CSMD1: variants seen among roughly 807,000 people sequenced by gnomAD.
CSMD1 encodes CUB and Sushi multiple domains 1.
A neutral mutation model predicts 417.5 loss-of-function variants in CSMD1; 213 were observed. The observed-to-expected ratio is 0.51, with a 90% CI of 0.46 to 0.57. The LOEUF is 0.57. Among genes scored for constraint, CSMD1 ranks in the 20% least tolerant of loss-of-function variants. The pLI, the probability that CSMD1 is intolerant of heterozygous loss-of-function variation, is 0.00. For missense variants in CSMD1, 6,923 were observed against 4,529.7 expected, an observed-to-expected ratio of 1.53 and a Z score of -15.17; for synonymous variants, 2,862 against 1,736.8, an observed-to-expected ratio of 1.65 and a Z score of -16.11.
intron 3 of CSMD1, among the ~76,000 whole-genome samples, chr8:4,308,650 A>G (rs2128877511): frequency 6.6e-6 from 1 of 152,334 alleles, no homozygotes; most frequent in East Asian, 1.9e-4. Context: ...TTATTCCAAG[A>G]ACAGTTTATA....
At chr8:4,329,770 C>T (rs1257256052) in intron 3 of CSMD1, among the ~76,000 whole-genome samples, 2 of 151,820 alleles carry the variant, frequency 1.3e-5, no homozygotes, top group East Asian at 3.9e-4. Context: ...TTGGGCCATC[C>T]CCTTGGTGAT....
intron 2 of CSMD1, among the ~76,000 whole-genome samples, chr8:4,564,062 T>C (rs143679059): frequency 6.6e-6 from 1 of 152,160 alleles, no homozygotes; most frequent in Non-Finnish European, 1.5e-5. Flanking sequence ...TCCTAGCATA[T>C]CTTAAGTATG....
intron 2 of CSMD1, among the ~76,000 whole-genome samples, chr8:4,438,760 C>T (rs779841797): frequency 6.6e-6 from 1 of 152,200 alleles, no homozygotes; most frequent in East Asian, 1.9e-4. Flanking sequence ...TGAGTCCAAA[C>T]CATGTGCCCT....
At chr8:3,236,679 C>T (rs954494159) in intron 26 of CSMD1, among the ~76,000 whole-genome samples, 13 of 152,202 alleles carry the variant, frequency 8.5e-5, no homozygotes, top group African/African-American at 3.1e-4. Context: ...TGTCATTCCT[C>T]TTCCAGGGCT....
intron 8 of CSMD1, among the ~76,000 whole-genome samples, chr8:3,598,523 G>C (rs1239629647): frequency 6.6e-6 from 1 of 152,144 alleles, no homozygotes; most frequent in Non-Finnish European, 1.5e-5. Context: ...CCAAGCCCTG[G>C]CTGTGACGTC....
chr8:4,491,054 C>T (rs764620833), intron 2 of CSMD1, among the ~76,000 whole-genome samples: 4 of 152,006 alleles, frequency 2.6e-5, no homozygotes, highest in African/African-American at 7.2e-5. Context: ...TGTGGTGAGG[C>T]GGTCGCCTGC....
chr8:4,863,641 G>A (rs1802261109), intron 1 of CSMD1, among the ~76,000 whole-genome samples: 2 of 151,666 alleles, frequency 1.3e-5, no homozygotes, highest in South Asian at 2.1e-4. Flanking sequence ...TCCACCCAGG[G>A]GACACAGCAA....
chr8:3,792,029 C>G (rs1352247779), intron 5 of CSMD1, among the ~76,000 whole-genome samples: 1 of 152,086 alleles, frequency 6.6e-6, no homozygotes, highest in Non-Finnish European at 1.5e-5. Flanking sequence ...TTTTGACAGT[C>G]AATTAACTTG....
rs1025007370 is a variant in CSMD1 at position 3,928,501 on chromosome 8, G to A, written c.818+69402C>T. On this transcript the variant is annotated intron_variant, in intron 5 of 69. Transcript: ENST00000635120. ...AAAAATGCAGTTAAGTGGAACAGGGGGCACTGCCCAGCTGCATTCACAGGT... is the reference window on the plus strand; with the variant it reads ...AAAAATGCAGTTAAGTGGAACAGGGAGCACTGCCCAGCTGCATTCACAGGT... Among the ~76,000 whole-genome samples the A allele has an allele frequency of 2.9e-5, 4 of 135,750 alleles. No homozygotes were observed. In the East Asian group the frequency reaches 8.5e-4, roughly 29 times the overall value. 89.1% of individuals were successfully genotyped at this position (135,750 alleles called of 152,430 possible). A position where few individuals can be genotyped will look rare whatever the true frequency, so the allele number is the denominator to read the frequency against.
At chr8:4,001,421 G>T (rs754838075) in intron 4 of CSMD1, among the ~76,000 whole-genome samples, 1 of 152,154 alleles carries the variant, frequency 6.6e-6, no homozygotes, top group South Asian at 2.1e-4. Flanking sequence ...TAGGGAGTTT[G>T]TAGGGCTCCG....
intron 2 of CSMD1, among the ~76,000 whole-genome samples, chr8:4,461,915 G>C (rs966164165): frequency 6.6e-6 from 1 of 151,710 alleles, no homozygotes; most frequent in East Asian, 1.9e-4. Context: ...TAATTTTTCT[G>C]TATTTTTAGA....
chr8:4,919,618 C>T (rs1481366783), intron 1 of CSMD1, among the ~76,000 whole-genome samples: 1 of 152,018 alleles, frequency 6.6e-6, no homozygotes, highest in African/African-American at 2.4e-5. Context: ...CAATTTGTAC[C>T]ATAATATGAA....
rs1217531 is a variant in CSMD1 at position 4,418,877 on chromosome 8, T to G, written c.415+1076A>C. On this transcript the variant is annotated intron_variant, in intron 3 of 69. Transcript: ENST00000635120. ...ACAAATGCGGTGGCATGAAAGACAT[T>G]AGAGGCAGAATCGCAGACCATTCTC... 3.4e-3 allele frequency among the ~76,000 whole-genome samples: 520 copies of G among 152,216 alleles called. 1 individual carries two copies. Among genetic ancestry groups the G allele is most frequent in the African/African-American group, 0.012 (494 of 41,538 alleles).
intron 2 of CSMD1, among the ~76,000 whole-genome samples, chr8:4,557,680 A>G (rs1798155317): frequency 6.6e-6 from 1 of 152,106 alleles, no homozygotes; most frequent in African/African-American, 2.4e-5. Context: ...GCAAGGAAGA[A>G]AGGAATAGAA....
chr8:3,625,311 T>A (rs1304415496), intron 7 of CSMD1, among the ~76,000 whole-genome samples: 3 of 152,184 alleles, frequency 2.0e-5, no homozygotes, highest in Non-Finnish European at 4.4e-5. Context: ...TTGTTTTAGA[T>A]CTCATACTAA....
chr8:3,793,326 G>C (rs1799854415), intron 5 of CSMD1, among the ~76,000 whole-genome samples: 1 of 152,154 alleles, frequency 6.6e-6, no homozygotes, highest in African/African-American at 2.4e-5. Context: ...TGTTTATGCA[G>C]CTAGAATGTC....
At chr8:3,835,885 T>C (rs569299876) in intron 5 of CSMD1, among the ~76,000 whole-genome samples, 64 of 152,190 alleles carry the variant, frequency 4.2e-4, no homozygotes, top group African/African-American at 1.4e-3. Flanking sequence ...GTTTTTTCCA[T>C]GAAGGCTTTG....
chr8:4,057,730 C>A (rs1585222488), intron 3 of CSMD1, among the ~76,000 whole-genome samples: 2 of 151,972 alleles, frequency 1.3e-5, no homozygotes, highest in South Asian at 2.1e-4. Context: ...AGGAAGGGAT[C>A]CAGTTTCAGC....
chr8:4,824,534 A>G (rs974000853), intron 1 of CSMD1, among the ~76,000 whole-genome samples: 1 of 152,178 alleles, frequency 6.6e-6, no homozygotes, highest in Non-Finnish European at 1.5e-5. Flanking sequence ...GGAATACAAG[A>G]AAGTTCTATT....
Sources: allele counts gnomAD v4.1 joint callset (sites outside exome capture counted in the v4.1 genomes callset), GRCh38; gene constraint gnomAD v4.1.1; transcripts MANE v1.5; gene names NCBI Gene and HGNC (gene_info 2026-07-23, HGNC 2026-07-21).